The following THRAP3 variants were observed in gnomAD, a reference collection of about 807,000 sequenced individuals.
THRAP3 encodes thyroid hormone receptor-associated protein 3.
A neutral mutation model predicts 101.0 loss-of-function variants in THRAP3; 16 were observed. The ratio of observed to expected loss-of-function variants is 0.16; its 90% CI spans 0.11 to 0.24. The LOEUF is 0.24. THRAP3 is among the 10% of genes least tolerant of loss of function. The pLI, the probability that THRAP3 is intolerant of heterozygous loss-of-function variation, is 1.00. For missense variants in THRAP3, 989 were observed against 1,202.7 expected (o/e 0.82, Z 2.63); for synonymous variants, 407 against 422.6 (o/e 0.96, Z 0.45).
chr1:36,254,756 A>G (rs559322196), intron 1 of THRAP3, among the ~76,000 whole-genome samples: 1 of 152,308 alleles, frequency 6.6e-6, no homozygotes, highest in East Asian at 1.9e-4. Context: ...AATGTTGTAT[A>G]ATTTTAACCT....
intron 9 of THRAP3, among the ~76,000 whole-genome samples, chr1:36,299,060 C>CT (rs1351103599): frequency 1.3e-5 from 2 of 151,362 alleles, no homozygotes; most frequent in African/African-American, 4.9e-5. Flanking sequence ...CTCTGAAGTG[C>CT]TGGGATTACA....
chr1:36,278,204 T>G (rs576368793), intron 2 of THRAP3, among the ~76,000 whole-genome samples: 9 of 151,962 alleles, frequency 5.9e-5, no homozygotes, highest in Non-Finnish European at 8.8e-5. Flanking sequence ...TAGCTGGGAT[T>G]ACAGGTGCCT....
Position 36,293,894 on chromosome 1 carries a change from G to A in THRAP3, c.2074G>A (p.Ala692Thr), listed in dbSNP as rs767508291. The change falls in exon 8 of 12, where the codon GCT becomes ACT. Residue 692 changes from alanine to threonine, a missense_variant. Coordinates refer to ENST00000354618, the MANE Select transcript of THRAP3 (RefSeq NM_005119.4). ...CAGTACATTCAGAAAACATGGTTTGGCTCATGATGAAATGAAAAGTCCCCG... is the reference window on the plus strand; with the variant it reads ...CAGTACATTCAGAAAACATGGTTTGACTCATGATGAAATGAAAAGTCCCCG... ...SPSTFRKHGL[A>T]HDEMKSPREP... 1.1e-5 allele frequency: 18 copies of A among 1,613,718 alleles called. No individual in the cohort carries two copies. Among genetic ancestry groups the A allele is most frequent in the Non-Finnish European group, 1.5e-5 (18 of 1,179,792 alleles).
At chr1:36,289,022 A>C in intron 4 of THRAP3, 38 bp from the exon 5 acceptor site, 1 of 1,519,594 alleles carries the variant, frequency 6.6e-7, no homozygotes, top group Non-Finnish European at 8.8e-7. Flanking sequence ...TGCTGTTAAG[A>C]AGCCTCTTGT....
intron 1 of THRAP3, among the ~76,000 whole-genome samples, chr1:36,247,708 A>G (rs1645247623): frequency 6.6e-6 from 1 of 152,110 alleles, no homozygotes; most frequent in Non-Finnish European, 1.5e-5. Context: ...GCTAATCAAC[A>G]TATGTATTGC....
chr1:36,287,793 TG>T (rs1645814902), intron 4 of THRAP3: 1 of 985,336 alleles, frequency 1.0e-6, no homozygotes, highest in South Asian at 4.7e-5. Flanking sequence ...GGTGGGTGTA[TG>T]TCCCAGTAGA....
chr1:36,232,970 G>A (rs1417441481), intron 1 of THRAP3, among the ~76,000 whole-genome samples: 3 of 139,998 alleles, frequency 2.1e-5, no homozygotes, highest in African/African-American at 7.8e-5. Context: ...CCAGATTCAA[G>A]CAATTCTACT....
chr1:36,295,963 T>C (rs1322666447), intron 8 of THRAP3, among the ~76,000 whole-genome samples: 15 of 42,504 alleles, frequency 3.5e-4, no homozygotes, highest in African/African-American at 1.1e-3. Flanking sequence ...ACTTTTTTTT[T>C]TTTTTTTTTT....
At chr1:36,245,671 G>A (rs927694894) in intron 1 of THRAP3, among the ~76,000 whole-genome samples, 5 of 152,180 alleles carry the variant, frequency 3.3e-5, no homozygotes, top group African/African-American at 1.2e-4. Flanking sequence ...CCCATTTGCA[G>A]AGATAAAGTT....
chr1:36,244,684 T>G (rs1230981724), intron 1 of THRAP3, among the ~76,000 whole-genome samples: 1 of 151,960 alleles, frequency 6.6e-6, no homozygotes, highest in Non-Finnish European at 1.5e-5. Flanking sequence ...TGAGGAAAGC[T>G]CCTTTTCTCA....
At chr1:36,276,523 C>CA (rs35609256) in intron 2 of THRAP3, among the ~76,000 whole-genome samples, 1,871 of 112,732 alleles carry the variant, frequency 0.017, 29 homozygotes, top group Middle Eastern at 0.025. Context: ...GACTCTGTCT[C>CA]AAAAAAAAAA....
chr1:36,210,843 A>G, the THRAP3 span, among the ~76,000 whole-genome samples: 1 of 145,646 alleles, frequency 6.9e-6, no homozygotes, highest in Non-Finnish European at 1.5e-5. Context: ...TCAAAAAAAT[A>G]GTGATGCCTG....
intron 8 of THRAP3, chr1:36,294,165 T>C: frequency 7.9e-7 from 1 of 1,266,092 alleles, no homozygotes; most frequent in Non-Finnish European, 1.0e-6. Flanking sequence ...TGAGGTGAGC[T>C]TGAGAAAAAA....
chr1:36,284,974 A>G (rs76545646), intron 3 of THRAP3, among the ~76,000 whole-genome samples: 4,866 of 152,272 alleles, frequency 0.032, 252 homozygotes, highest in African/African-American at 0.11. Flanking sequence ...CAGCAGTAAG[A>G]TATATCTTTG....
intron 1 of THRAP3, among the ~76,000 whole-genome samples, chr1:36,249,374 G>A (rs1327090289): frequency 6.6e-6 from 1 of 151,802 alleles, no homozygotes; most frequent in Admixed American, 6.6e-5. Context: ...TGTATTTTTA[G>A]TAGAGACAGG....
chr1:36,296,172 G>A (rs1645948857), intron 8 of THRAP3, among the ~76,000 whole-genome samples: 1 of 151,652 alleles, frequency 6.6e-6, no homozygotes, highest in Non-Finnish European at 1.5e-5. Flanking sequence ...ACAGGGTTTT[G>A]GTTGTTGCCC....
chr1:36,239,374 C>T (rs1645129060), intron 1 of THRAP3, among the ~76,000 whole-genome samples: 1 of 151,856 alleles, frequency 6.6e-6, no homozygotes, highest in Admixed American at 6.6e-5. Context: ...TTCAGCGATT[C>T]TCCTGCCTCA....
At chr1:36,258,253 C>G (rs1310740169) in intron 1 of THRAP3, among the ~76,000 whole-genome samples, 1 of 152,350 alleles carries the variant, frequency 6.6e-6, no homozygotes, top group East Asian at 1.9e-4. Context: ...TGTGAGCCCT[C>G]TGTGCCTCTG....
intron 1 of THRAP3, among the ~76,000 whole-genome samples, chr1:36,229,258 C>T (rs928304564): frequency 4.6e-5 from 7 of 151,804 alleles, no homozygotes; most frequent in African/African-American, 9.7e-5. Flanking sequence ...CCACCACACC[C>T]GGCTAATTTT....
Sources: allele counts gnomAD v4.1 joint callset (sites outside exome capture counted in the v4.1 genomes callset), GRCh38; gene constraint gnomAD v4.1.1; transcripts MANE v1.5; gene names NCBI Gene and HGNC (gene_info 2026-07-23, HGNC 2026-07-21).